AVEN: variants seen among roughly 807,000 people sequenced by gnomAD.
The protein encoded by AVEN is apoptosis and caspase activation inhibitor, also known as cell death regulator Aven.
A neutral mutation model predicts 38.1 loss-of-function variants in AVEN; 41 were observed. The observed-to-expected ratio is 1.08, with a 90% CI of 0.84 to 1.40. The LOEUF is 1.40. Among genes scored for constraint, AVEN ranks in the 40% most tolerant of loss-of-function variants. The probability of loss-of-function intolerance (pLI) is 0.00; values close to 1 mark genes in which losing one functional copy is unlikely to be tolerated. For missense variants in AVEN, 605 were observed against 438.8 expected, an observed-to-expected ratio of 1.38 and a Z score of -3.38; for synonymous variants, 206 against 171.8, an observed-to-expected ratio of 1.20 and a Z score of -1.56.
At chr15:34,014,385 C>CAAAA (rs869310860) in intron 1 of AVEN, among the ~76,000 whole-genome samples, 2 of 23,894 alleles carry the variant, frequency 8.4e-5, no homozygotes, top group African/African-American at 1.6e-4. Flanking sequence ...AAAAAAAAAA[C>CAAAA]AAAAACAAAA....
At chr15:33,902,456 T>C (rs1159966506) in intron 2 of AVEN, among the ~76,000 whole-genome samples, 2 of 152,206 alleles carry the variant, frequency 1.3e-5, no homozygotes, top group African/African-American at 4.8e-5. Context: ...AGGTCACTCA[T>C]GAAAAACATA....
At chr15:33,854,985 C>T (rs1009917967), downstream of AVEN, 32 of 1,336,354 alleles carry the variant, frequency 2.4e-5, no homozygotes, top group Non-Finnish European at 3.2e-5. Flanking sequence ...AGGTAGTATA[C>T]AGTATATGAC....
chr15:33,965,706 C>A (rs115828926), intron 2 of AVEN, among the ~76,000 whole-genome samples: 1,606 of 151,932 alleles, frequency 0.011, 32 homozygotes, highest in African/African-American at 0.037. Flanking sequence ...GACATCTGAA[C>A]AAAAGAAAAA....
At chr15:33,973,671 A>G (rs1325698532) in intron 2 of AVEN, among the ~76,000 whole-genome samples, 1 of 152,204 alleles carries the variant, frequency 6.6e-6, no homozygotes, top group African/African-American at 2.4e-5. Flanking sequence ...GCAAGACTCC[A>G]TCTCTATAAA....
At chr15:33,964,500 G>A (rs1317907590) in intron 2 of AVEN, among the ~76,000 whole-genome samples, 1 of 152,104 alleles carries the variant, frequency 6.6e-6, no homozygotes, top group East Asian at 1.9e-4. Flanking sequence ...CCAACAAACT[G>A]ATGCCAAAAG....
chr15:33,944,349 C>A (rs1294213455), intron 2 of AVEN, among the ~76,000 whole-genome samples: 1 of 152,202 alleles, frequency 6.6e-6, no homozygotes, highest in African/African-American at 2.4e-5. Context: ...GTGCCGGCAA[C>A]TATAACGTGT....
intron 2 of AVEN, among the ~76,000 whole-genome samples, chr15:33,982,380 T>A (rs1475294759): frequency 5.9e-5 from 9 of 151,878 alleles, no homozygotes; most frequent in Non-Finnish European, 8.8e-5. Context: ...CCCCAAGAAT[T>A]ACCAAATGCT....
At chr15:33,852,619 C>T in the AVEN span, 1 of 164,068 alleles carries the variant, frequency 6.1e-6, no homozygotes, top group African/African-American at 2.4e-5. Flanking sequence ...TACCACACCC[C>T]ACATCCCGCA....
chr15:33,853,328 C>A, the AVEN span, among the ~76,000 whole-genome samples: 1 of 152,214 alleles, frequency 6.6e-6, no homozygotes, highest in Non-Finnish European at 1.5e-5. Context: ...TAGATGTTTT[C>A]TCCCCTGCAA....
chr15:33,968,638 T>C (rs973353825), intron 2 of AVEN: 2 of 152,104 alleles, frequency 1.3e-5, no homozygotes, highest in Admixed American at 6.6e-5. Flanking sequence ...GCCTTCATCT[T>C]CTACAGAAAG....
chr15:33,861,269 T>A, downstream of AVEN: 2 of 965,268 alleles, frequency 2.1e-6, no homozygotes, highest in Non-Finnish European at 3.2e-6. Flanking sequence ...GGAAAAAGAG[T>A]AACCAGAAAG....
chr15:34,028,235 T>C (rs1898593112), intron 1 of AVEN, among the ~76,000 whole-genome samples: 1 of 152,158 alleles, frequency 6.6e-6, no homozygotes, highest in Non-Finnish European at 1.5e-5. Flanking sequence ...TGTGTATGTA[T>C]GAATGAGTAT....
chr15:33,868,544 C>CAAAAA (rs35851228), intron 4 of AVEN, among the ~76,000 whole-genome samples: 6 of 66,226 alleles, frequency 9.1e-5, no homozygotes, highest in African/African-American at 1.8e-4. Flanking sequence ...GACTCCGTCT[C>CAAAAA]AAAAAAAAAA....
At chr15:34,051,586 C>T (rs1013428109) in intron 5 of AVEN, among the ~76,000 whole-genome samples, 2 of 150,674 alleles carry the variant, frequency 1.3e-5, no homozygotes, top group African/African-American at 2.5e-5. Flanking sequence ...AATAGATAAA[C>T]CACTAATTAG....
chr15:34,048,334 T>G (rs1468849300), intron 5 of AVEN, among the ~76,000 whole-genome samples: 1 of 151,394 alleles, frequency 6.6e-6, no homozygotes, highest in Admixed American at 6.6e-5. Context: ...ATCTGTGTGG[T>G]TTGGTTGACT....
At chr15:33,854,591 A>C (rs141633392), downstream of AVEN, 86 of 1,047,392 alleles carry the variant, frequency 8.2e-5, no homozygotes, top group African/African-American at 1.1e-3. Context: ...GGGAACACTT[A>C]TACAATGGTA....
chr15:33,898,414 A>C (rs556260591), intron 2 of AVEN, among the ~76,000 whole-genome samples: 3 of 152,332 alleles, frequency 2.0e-5, no homozygotes, highest in African/African-American at 7.2e-5. Context: ...TAGAAGTCTG[A>C]AATCAACATG....
chr15:33,958,780 T>C lies in AVEN; in HGVS notation c.445+44252A>G, dbSNP rs573000332. Among the ~76,000 whole-genome samples the C allele has an allele frequency of 2.0e-3, 307 of 152,300 alleles. 7 individuals carry two copies. Among genetic ancestry groups the C allele is most frequent in the Non-Finnish European group, 2.7e-3 (181 of 68,014 alleles). On this transcript the variant is annotated intron_variant, in intron 2 of 5. Transcript: ENST00000306730. ...CCTTTGTTTATTTTACCTGGTCTGG[T>C]AGAATAGCATCCAGCTCTCATTTTC...
downstream of AVEN, chr15:33,864,706 A>G (rs999085536): frequency 6.1e-5 from 11 of 181,510 alleles, no homozygotes; most frequent in Admixed American, 5.5e-5. Flanking sequence ...TTCAAACATC[A>G]TTGGCTTTGT....
Sources: gnomAD v4.1 joint callset for allele counts (sites outside exome capture counted in the v4.1 genomes callset) on GRCh38, gnomAD v4.1.1 for gene constraint, MANE v1.5 for transcripts, NCBI Gene and HGNC (gene_info 2026-07-23, HGNC 2026-07-21) for gene names.